The following TAF12 variants were observed in gnomAD, a reference collection of about 807,000 sequenced individuals.
TAF12 encodes TATA-box binding protein associated factor 12, also known as transcription initiation factor TFIID subunit 12.
Under a neutral mutation model 20.8 loss-of-function variants are expected in TAF12, and 3 were observed. The observed-to-expected ratio is 0.14, with a 90% confidence interval of 0.07 to 0.37. TAF12 has a LOEUF of 0.37. Ranked by LOEUF, TAF12 falls within the 10% of genes least tolerant of loss-of-function variation. The pLI, the probability that TAF12 is intolerant of heterozygous loss-of-function variation, is 1.00. For synonymous variants in TAF12, 69 were observed against 70.2 expected, an observed-to-expected ratio of 0.98 and a Z score of 0.09; for missense variants, 131 against 197.9, an observed-to-expected ratio of 0.66 and a Z score of 2.03.
chr1:28,640,966 G>C (rs1362120219), intron 1 of TAF12, among the ~76,000 whole-genome samples: 1 of 152,102 alleles, frequency 6.6e-6, no homozygotes, highest in African/African-American at 2.4e-5. Context: ...AGTCCCAGGA[G>C]GCTGAGGCAG....
intron 3 of TAF12, among the ~76,000 whole-genome samples, chr1:28,616,686 A>G (rs1449283370): frequency 1.3e-5 from 2 of 151,862 alleles, no homozygotes; most frequent in African/African-American, 4.8e-5. Context: ...CGGTAAGCTG[A>G]GATCCTGCCA....
intron 1 of TAF12, among the ~76,000 whole-genome samples, chr1:28,627,897 A>G (rs557036672): frequency 2.0e-5 from 3 of 152,078 alleles, no homozygotes; most frequent in Non-Finnish European, 4.4e-5. Flanking sequence ...CTGGTGCCAG[A>G]CTAACACTAC....
chr1:28,644,656 AC>A (rs765534724), upstream of TAF12, among the ~76,000 whole-genome samples: 1 of 152,254 alleles, frequency 6.6e-6, no homozygotes, highest in Non-Finnish European at 1.5e-5. Flanking sequence ...AGAAGAGAAT[AC>A]TGGAATAAGC....
intron 1 of TAF12, among the ~76,000 whole-genome samples, chr1:28,635,547 T>C (rs1224975769): frequency 6.6e-6 from 1 of 151,448 alleles, no homozygotes; most frequent in African/African-American, 2.4e-5. Flanking sequence ...ACTCATGATC[T>C]GCCCACCTCG....
At chr1:28,639,307 A>G (rs1021087906) in intron 1 of TAF12, among the ~76,000 whole-genome samples, 2 of 150,646 alleles carry the variant, frequency 1.3e-5, no homozygotes, top group South Asian at 2.2e-4. Context: ...TCCCAGCTAC[A>G]TGGGAGGCTG....
At chr1:28,627,127 C>T (rs555898367) in intron 1 of TAF12, among the ~76,000 whole-genome samples, 66 of 151,844 alleles carry the variant, frequency 4.3e-4, no homozygotes, top group African/African-American at 1.2e-3. Flanking sequence ...TGGCTCACGC[C>T]GGTAATCCCA....
chr1:28,648,148 T>A (rs2124405523), intron 1 of TAF12: 1 of 985,276 alleles, frequency 1.0e-6, no homozygotes, highest in African/African-American at 1.7e-5. Context: ...TGGCACAAGT[T>A]ACACATTTTC....
intron 3 of TAF12, among the ~76,000 whole-genome samples, chr1:28,616,179 T>C (rs538866650): frequency 1.3e-5 from 2 of 151,766 alleles, no homozygotes; most frequent in South Asian, 4.2e-4. Context: ...GACAGATCAC[T>C]TGAGGTCAGA....
intron 4 of TAF12, among the ~76,000 whole-genome samples, chr1:28,609,057 T>C (rs1221881228): frequency 2.0e-5 from 3 of 152,192 alleles, no homozygotes; most frequent in Non-Finnish European, 2.9e-5. Flanking sequence ...TGTGTATACA[T>C]ATATCTTATA....
At chr1:28,622,360 GAAAA>G (rs1033224931) in intron 1 of TAF12, among the ~76,000 whole-genome samples, 195 bp from the exon 2 acceptor site, 3 of 78,004 alleles carry the variant, frequency 3.8e-5, no homozygotes, top group East Asian at 3.1e-4. Flanking sequence ...TCTCTACCAA[GAAAA>G]AAAAAAAAAA....
At chr1:28,637,496 C>T (rs1667875791) in intron 1 of TAF12, among the ~76,000 whole-genome samples, 1 of 151,968 alleles carries the variant, frequency 6.6e-6, no homozygotes, top group Admixed American at 6.6e-5. Flanking sequence ...GAAACCCTGT[C>T]TCTACTAAAA....
intron 2 of TAF12, among the ~76,000 whole-genome samples, chr1:28,620,792 C>A (rs570295428): frequency 6.6e-6 from 1 of 151,110 alleles, no homozygotes. Context: ...CTAGCCCAGG[C>A]AACAGAGCAA....
chr1:28,619,936 G>A (rs1163209138), intron 2 of TAF12, among the ~76,000 whole-genome samples: 2 of 149,440 alleles, frequency 1.3e-5, no homozygotes, highest in South Asian at 2.1e-4. Flanking sequence ...GTGATAGAGC[G>A]AGACTCTGTC....
intron 5 of TAF12, among the ~76,000 whole-genome samples, chr1:28,604,235 C>T (rs1666593881): frequency 6.6e-6 from 1 of 152,146 alleles, no homozygotes; most frequent in African/African-American, 2.4e-5. Flanking sequence ...CCCCTGACCC[C>T]AATCTTTTCT....
At chr1:28,626,962 C>G (rs138941124) in intron 1 of TAF12, among the ~76,000 whole-genome samples, 1,618 of 152,206 alleles carry the variant, frequency 0.011, 12 homozygotes, top group Non-Finnish European at 0.017. Flanking sequence ...TATGGCCTAT[C>G]TACATAGTAC....
intron 3 of TAF12, among the ~76,000 whole-genome samples, chr1:28,617,406 T>C (rs936751070): frequency 1.3e-5 from 2 of 152,020 alleles, no homozygotes; most frequent in Non-Finnish European, 2.9e-5. Flanking sequence ...ACCTCCCTAG[T>C]AGCTGGAACT....
At chr1:28,627,665 C>CAAAAAAAAA (rs61016146) in intron 1 of TAF12, among the ~76,000 whole-genome samples, 1 of 103,496 alleles carries the variant, frequency 9.7e-6, no homozygotes, top group Non-Finnish European at 1.8e-5. Flanking sequence ...TGCACTCCCT[C>CAAAAAAAAA]AAAAAAAAAA....
intron 3 of TAF12, among the ~76,000 whole-genome samples, chr1:28,617,533 G>A (rs549418757): frequency 2.0e-5 from 3 of 150,176 alleles, no homozygotes; most frequent in Non-Finnish European, 3.0e-5. Context: ...ACTGCACTCC[G>A]CCTCCCAGGT....
At chr1:28,610,279 T>C (rs1351075370) in intron 4 of TAF12, among the ~76,000 whole-genome samples, 1 of 152,114 alleles carries the variant, frequency 6.6e-6, no homozygotes, top group East Asian at 1.9e-4. Context: ...ATTTGTTTTT[T>C]AATTATGTAT....
Sources: gnomAD v4.1 joint callset for allele counts (sites outside exome capture counted in the v4.1 genomes callset) on GRCh38, gnomAD v4.1.1 for gene constraint, MANE v1.5 for transcripts, NCBI Gene and HGNC (gene_info 2026-07-23, HGNC 2026-07-21) for gene names.